Variants in LRIF1 observed in about 807,000 individuals in gnomAD.
LRIF1 encodes ligand-dependent nuclear receptor-interacting factor 1.
A neutral mutation model predicts 52.7 loss-of-function variants in LRIF1; 32 were observed. The ratio of observed to expected loss-of-function variants is 0.61; its 90% CI spans 0.46 to 0.82. The LOEUF is 0.82. LRIF1 is among the 40% of genes least tolerant of loss of function. The pLI is 0.00. For synonymous variants in LRIF1, 323 were observed against 317.4 expected, an observed-to-expected ratio of 1.02 and a Z score of -0.19; for missense variants, 887 against 892.0, an observed-to-expected ratio of 0.99 and a Z score of 0.07.
the LRIF1 span, among the ~76,000 whole-genome samples, chr1:110,915,413 G>A: frequency 1.3e-5 from 2 of 152,120 alleles, no homozygotes; most frequent in African/African-American, 4.8e-5. Flanking sequence ...GGGTGAACCC[G>A]GGAGGCGGAG....
chr1:110,949,067 G>T (rs1658340025), intron 3 of LRIF1, among the ~76,000 whole-genome samples: 1 of 151,902 alleles, frequency 6.6e-6, no homozygotes, highest in Non-Finnish European at 1.5e-5. Context: ...TCTTTAACTG[G>T]GATGCATTTT....
chr1:110,957,396 A>C (rs551770968), intron 1 of LRIF1, among the ~76,000 whole-genome samples: 12 of 136,714 alleles, frequency 8.8e-5, no homozygotes, highest in South Asian at 2.6e-4. Context: ...TGGAGTGAGG[A>C]GGCGGCGGAG....
At chr1:110,906,443 G>T in the LRIF1 span, among the ~76,000 whole-genome samples, 1 of 152,052 alleles carries the variant, frequency 6.6e-6, no homozygotes, top group African/African-American at 2.4e-5. Context: ...CTTCAGGAAG[G>T]TGAGGCAGGA....
At chr1:110,956,587 G>A (rs746537835) in intron 1 of LRIF1, among the ~76,000 whole-genome samples, 15 of 152,158 alleles carry the variant, frequency 9.9e-5, no homozygotes, top group Non-Finnish European at 1.8e-4. Flanking sequence ...AACAGGATGC[G>A]TGAAACAGTT....
chr1:110,896,600 T>A, the LRIF1 span: 1 of 1,560,498 alleles, frequency 6.4e-7, no homozygotes, highest in Non-Finnish European at 8.8e-7. Flanking sequence ...GTCCACAGCT[T>A]TTTTTCACTG....
the LRIF1 span, among the ~76,000 whole-genome samples, chr1:110,901,239 G>A: frequency 6.6e-6 from 1 of 151,624 alleles, no homozygotes; most frequent in African/African-American, 2.4e-5. Flanking sequence ...GTACAGTGGT[G>A]CAATCTTGGC....
At chr1:110,879,314 T>C in the LRIF1 span, among the ~76,000 whole-genome samples, 1,119 of 152,302 alleles carry the variant, frequency 7.3e-3, 7 homozygotes, top group Middle Eastern at 0.037. Context: ...TTCAAAGATA[T>C]AGTGAAAGAC....
chr1:110,959,894 T>C (rs1658875253), intron 1 of LRIF1, among the ~76,000 whole-genome samples: 1 of 152,118 alleles, frequency 6.6e-6, no homozygotes, highest in Non-Finnish European at 1.5e-5. Context: ...TGAAGGCTGA[T>C]GAACATTTTA....
chr1:110,960,519 T>C (rs1410087360), intron 1 of LRIF1, among the ~76,000 whole-genome samples: 2 of 152,198 alleles, frequency 1.3e-5, no homozygotes, highest in African/African-American at 4.8e-5. Flanking sequence ...TCACATGATG[T>C]CTTAATTCTT....
the LRIF1 span, among the ~76,000 whole-genome samples, chr1:110,878,956 C>T: frequency 4.9e-4 from 75 of 152,110 alleles, 1 homozygote; most frequent in East Asian, 0.01. Context: ...TGAAATTTAA[C>T]ATTTTCAATT....
At chr1:110,913,357 CA>C in the LRIF1 span, among the ~76,000 whole-genome samples, 2 of 152,104 alleles carry the variant, frequency 1.3e-5, no homozygotes, top group Admixed American at 1.3e-4. Context: ...CTGTGCACAG[CA>C]AGAGAAACGA....
chr1:110,900,559 G>A, the LRIF1 span, among the ~76,000 whole-genome samples: 2 of 152,010 alleles, frequency 1.3e-5, no homozygotes, highest in African/African-American at 4.8e-5. Context: ...TAGAGATGGG[G>A]TTTCACCATG....
At chr1:110,899,595 G>A in the LRIF1 span, 1 of 175,588 alleles carries the variant, frequency 5.7e-6, no homozygotes. Flanking sequence ...TCAAGCAAGA[G>A]ACTAGTTGAA....
At chr1:110,918,175 T>C in the LRIF1 span, among the ~76,000 whole-genome samples, 1 of 152,116 alleles carries the variant, frequency 6.6e-6, no homozygotes, top group African/African-American at 2.4e-5. Flanking sequence ...AAAGAAATCC[T>C]AAACTCTGCA....
At chr1:110,920,775 G>A in the LRIF1 span, among the ~76,000 whole-genome samples, 3 of 152,166 alleles carry the variant, frequency 2.0e-5, no homozygotes, top group Non-Finnish European at 4.4e-5. Flanking sequence ...AGCGGTACAT[G>A]CGGTGGGGAA....
the LRIF1 span, among the ~76,000 whole-genome samples, chr1:110,889,415 C>T: frequency 0.16 from 24,845 of 151,742 alleles, 2,562 homozygotes; most frequent in Middle Eastern, 0.29. Flanking sequence ...AAAAATTAGC[C>T]GGGCGTGGTG....
the LRIF1 span, among the ~76,000 whole-genome samples, chr1:110,885,343 G>A: frequency 6.6e-6 from 1 of 152,140 alleles, no homozygotes; most frequent in Admixed American, 6.5e-5. Flanking sequence ...AAGGTCAGGA[G>A]ATCGAGACCA....
chr1:110,922,607 A>C, the LRIF1 span, among the ~76,000 whole-genome samples: 1 of 152,262 alleles, frequency 6.6e-6, no homozygotes, highest in Admixed American at 6.5e-5. Flanking sequence ...CCATATATAA[A>C]GTTATCCGTC....
At chr1:110,886,869 A>ATATATATATATATATATATTT in the LRIF1 span, among the ~76,000 whole-genome samples, 3 of 82,782 alleles carry the variant, frequency 3.6e-5, no homozygotes, top group Non-Finnish European at 6.7e-5. Context: ...ATATATATAT[A>ATATATATATATATATATATTT]TTTTTTTTTT....
Sources: allele counts gnomAD v4.1 joint callset (sites outside exome capture counted in the v4.1 genomes callset), GRCh38; gene constraint gnomAD v4.1.1; transcripts MANE v1.5; gene names NCBI Gene and HGNC (gene_info 2026-07-23, HGNC 2026-07-21).